STXBP5L: variants seen among roughly 807,000 people sequenced by gnomAD.
STXBP5L encodes the protein syntaxin binding protein 5L, also known as syntaxin-binding protein 5-like.
Under a neutral mutation model 144.5 loss-of-function variants are expected in STXBP5L, and 65 were observed. The ratio of observed to expected loss-of-function variants is 0.45; its 90% CI spans 0.37 to 0.55. The LOEUF (loss-of-function observed/expected upper bound fraction) is 0.55, where lower values mean the gene tolerates loss of function less well. Ranked by LOEUF, STXBP5L falls within the 20% of genes least tolerant of loss-of-function variation. STXBP5L has a pLI of 0.00. For missense variants in STXBP5L, 1,298 were observed against 1,405.5 expected (o/e 0.92, Z 1.22); for synonymous variants, 505 against 469.6 (o/e 1.08, Z -0.97).
At chr3:121,023,057 A>G (rs9822576) in intron 3 of STXBP5L, among the ~76,000 whole-genome samples, 15,093 of 152,128 alleles carry the variant, frequency 0.099, 1,181 homozygotes, top group Admixed American at 0.2. Context: ...CAAAGTTTCA[A>G]GATACAAAAA....
At position 121,090,179 on chromosome 3, in the gene STXBP5L, T is replaced by G. The variant is rs1484481441; in HGVS notation, c.471-24746T>G. 2.6e-5 allele frequency among the ~76,000 whole-genome samples: 4 copies of G among 152,164 alleles called. No homozygotes were observed. In the East Asian group the frequency reaches 7.7e-4, roughly 29 times the overall value. On this transcript the variant is annotated intron_variant, in intron 5 of 26. Transcript: ENST00000471454. ...ATTGTTATGAGGTTTCAGTTTTTATTTAAACCCCTTTTTTAGGTGGTTGTA... is the reference window on the plus strand; with the variant it reads ...ATTGTTATGAGGTTTCAGTTTTTATGTAAACCCCTTTTTTAGGTGGTTGTA...
intron 10 of STXBP5L, among the ~76,000 whole-genome samples, chr3:121,220,958 G>A (rs2048954865): frequency 6.6e-6 from 1 of 151,992 alleles, no homozygotes; most frequent in African/African-American, 2.4e-5. Context: ...TAAGCACTCA[G>A]TAAATGGTAG....
chr3:121,283,033 A>G (rs2051113100), intron 19 of STXBP5L, among the ~76,000 whole-genome samples: 1 of 152,028 alleles, frequency 6.6e-6, no homozygotes, highest in African/African-American at 2.4e-5. Flanking sequence ...GGAGGTACAG[A>G]TGAGACTAGT....
At chr3:120,947,699 G>A (rs1274701033) in intron 2 of STXBP5L, among the ~76,000 whole-genome samples, 1 of 151,748 alleles carries the variant, frequency 6.6e-6, no homozygotes. Context: ...TACACTTCAT[G>A]TAAATGGAAT....
At chr3:121,001,725 G>T (rs1943794246) in intron 3 of STXBP5L, among the ~76,000 whole-genome samples, 1 of 152,036 alleles carries the variant, frequency 6.6e-6, no homozygotes, top group South Asian at 2.1e-4. Context: ...CCCTGTATAG[G>T]GTTCCCAGCT....
chr3:120,952,777 A>G (rs990108959), intron 2 of STXBP5L, among the ~76,000 whole-genome samples: 2 of 152,072 alleles, frequency 1.3e-5, no homozygotes, highest in Admixed American at 6.6e-5. Context: ...TCCTTGGTCA[A>G]TGAATAAGGG....
Position 120,928,323 on chromosome 3 carries a change from C to T in STXBP5L, c.189+18556C>T, listed in dbSNP as rs774414996. 1.4e-4 allele frequency among the ~76,000 whole-genome samples: 21 copies of T among 152,126 alleles called. 1 individual carries two copies. The highest frequency in any genetic ancestry group is 6.8e-3 in the Middle Eastern group (2 of 294). On this transcript the variant is annotated intron_variant, in intron 2 of 26. Coordinates refer to ENST00000471454, the MANE Select transcript of STXBP5L (RefSeq NM_001308330.2). ...TGTCATCCAGGCTGGAGTGCAGTGG[C>T]GAAATCTCGGCTCACTGCAACCTCC...
At position 121,019,709 on chromosome 3, in the gene STXBP5L, C is replaced by T. The variant is rs77840136; in HGVS notation, c.288-21991C>T. Among the ~76,000 whole-genome samples the T allele has an allele frequency of 5.9e-3, 905 of 152,198 alleles. 8 individuals carry two copies. Among genetic ancestry groups the T allele is most frequent in the African/African-American group, 0.02 (834 of 41,526 alleles). ...CAGTTTGGCTCTCAGGAAGCTCCACCGCAGGAGAAAGTGGAGAGCACCACA... is the reference window on the plus strand; with the variant it reads ...CAGTTTGGCTCTCAGGAAGCTCCACTGCAGGAGAAAGTGGAGAGCACCACA... On this transcript the variant is annotated intron_variant, in intron 3 of 26. Transcript: ENST00000471454.
intron 20 of STXBP5L, among the ~76,000 whole-genome samples, chr3:121,333,882 ATAGCCTAC>A (rs967580284): frequency 6.6e-6 from 1 of 152,142 alleles, no homozygotes; most frequent in Admixed American, 6.6e-5. Flanking sequence ...TTTGTTAATA[ATAGCCTAC>A]TGATATGGTT....
chr3:121,040,744 T>A (rs1222999915), intron 3 of STXBP5L, among the ~76,000 whole-genome samples: 1 of 152,158 alleles, frequency 6.6e-6, no homozygotes, highest in Non-Finnish European at 1.5e-5. Flanking sequence ...TGTTGGAGCC[T>A]TGAAATTCTC....
At chr3:121,263,552 G>T (rs918896439) in intron 18 of STXBP5L, among the ~76,000 whole-genome samples, 4 of 152,076 alleles carry the variant, frequency 2.6e-5, no homozygotes, top group African/African-American at 4.8e-5. Context: ...CTAACCCAAT[G>T]CAGGGAAGCT....
rs370623024 is a variant in STXBP5L, at chr3:121,157,507, A to G, written c.757A>G (p.Ile253Val). ...AELRVYYDEAIHSIDWHHEGK... is the reference protein window; with the variant it reads ...AELRVYYDEAVHSIDWHHEGK... ...GTTTTAATTGTTATTTTATTAGGCT[A>G]TTCATTCAATTGATTGGCATCATGA... is the stretch of plus-strand genomic sequence containing the variant. The change falls in exon 9 of 27, where the codon ATT becomes GTT. Residue 253 changes from isoleucine to valine, a missense_variant. Transcript: ENST00000471454. 4.4e-6 allele frequency: 7 copies of G among 1,578,732 alleles called. No individual in the cohort carries two copies. The highest frequency in any genetic ancestry group is 5.1e-6 in the Non-Finnish European group (6 of 1,167,696).
chr3:121,183,598 AAAG>A (rs1559835309), intron 9 of STXBP5L, among the ~76,000 whole-genome samples: 3 of 151,536 alleles, frequency 2.0e-5, no homozygotes, highest in African/African-American at 7.3e-5. Context: ...AGGAAGAAAG[AAAG>A]AAAGAGAAAG....
chr3:121,353,837 T>G (rs1380456345), intron 20 of STXBP5L, among the ~76,000 whole-genome samples: 1 of 152,234 alleles, frequency 6.6e-6, no homozygotes, highest in Non-Finnish European at 1.5e-5. Flanking sequence ...TACATTTCCC[T>G]CTACACACTG....
rs887842686 is a variant in STXBP5L at position 121,111,241 on chromosome 3, A to G, written c.471-3684A>G. On this transcript the variant is annotated intron_variant, in intron 5 of 26. Transcript: ENST00000471454. ...CACCTTCTGAAGCCTACTTCTGTCAATTCATTCATTTCAGCCCTGCCCAGT... is the reference window on the plus strand; with the variant it reads ...CACCTTCTGAAGCCTACTTCTGTCAGTTCATTCATTTCAGCCCTGCCCAGT... Among the ~76,000 whole-genome samples the G allele has an allele frequency of 3.9e-5, 6 of 151,958 alleles. No individual in the cohort carries two copies. In the South Asian group the frequency reaches 8.3e-4, roughly 21 times the overall value.
intron 7 of STXBP5L, among the ~76,000 whole-genome samples, chr3:121,130,932 A>G (rs574110300): frequency 1.5e-4 from 23 of 152,208 alleles, no homozygotes; most frequent in African/African-American, 5.5e-4. Flanking sequence ...TTTAAATCAT[A>G]TATCAATAGA....
At chr3:121,100,457 A>T (rs937107986) in intron 5 of STXBP5L, among the ~76,000 whole-genome samples, 2 of 152,316 alleles carry the variant, frequency 1.3e-5, no homozygotes, top group East Asian at 1.9e-4. Context: ...TTACCACACA[A>T]TTACATGAAA....
intron 3 of STXBP5L, among the ~76,000 whole-genome samples, chr3:120,974,815 C>G (rs1233848751): frequency 6.6e-6 from 1 of 152,090 alleles, no homozygotes; most frequent in Non-Finnish European, 1.5e-5. Context: ...TTCCCCATTT[C>G]TTGTTTTTGT....
chr3:120,979,047 A>G (rs938484857), intron 3 of STXBP5L, among the ~76,000 whole-genome samples: 2 of 152,184 alleles, frequency 1.3e-5, no homozygotes, highest in African/African-American at 2.4e-5. Context: ...CTCCAGCTGC[A>G]TGCTCGGAGA....
Sources: allele counts gnomAD v4.1 joint callset (sites outside exome capture counted in the v4.1 genomes callset), GRCh38; gene constraint gnomAD v4.1.1; transcripts MANE v1.5; gene names NCBI Gene and HGNC (gene_info 2026-07-23, HGNC 2026-07-21).